FBXO10: variants seen among roughly 807,000 people sequenced by gnomAD.
The protein encoded by FBXO10 is F-box protein 10.
A neutral mutation model predicts 80.7 loss-of-function variants in FBXO10; 39 were observed. The ratio of observed to expected loss-of-function variants is 0.48; its 90% CI spans 0.37 to 0.63. The LOEUF (loss-of-function observed/expected upper bound fraction) is 0.63. Among genes scored for constraint, FBXO10 ranks in the 30% least tolerant of loss-of-function variants. The pLI, the probability that FBXO10 is intolerant of heterozygous loss-of-function variation, is 0.00. For missense variants in FBXO10, 1,025 were observed against 1,269.0 expected (o/e 0.81, Z 2.92); for synonymous variants, 449 against 489.6 (o/e 0.92, Z 1.09).
Position 37,576,199 on chromosome 9 carries a change from C to T in FBXO10, c.-7+12G>A, listed in dbSNP as rs1756009261. 6.6e-6 allele frequency: 1 copy of T among 152,198 alleles called. No individual in the cohort carries two copies. Among genetic ancestry groups the T allele is most frequent in the African/African-American group, 2.4e-5 (1 of 41,418 alleles). 9.4% of individuals were successfully genotyped at this position (152,198 alleles called of 1,614,324 possible). A position where few individuals can be genotyped will look rare whatever the true frequency, so the allele number is the denominator to read the frequency against. On this transcript the variant is annotated intron_variant, in intron 1 of 10. Coordinates refer to ENST00000432825, the MANE Select transcript of FBXO10 (RefSeq NM_012166.3). ...CAAGTTCGCCCGCAGCCTCTGCGCACCGGCCGCTTACCTCACAGGGCGCTC... is the reference window on the plus strand; with the variant it reads ...CAAGTTCGCCCGCAGCCTCTGCGCATCGGCCGCTTACCTCACAGGGCGCTC...
At chr9:37,532,816 G>T (rs1016292047) in intron 3 of FBXO10, among the ~76,000 whole-genome samples, 2 of 152,184 alleles carry the variant, frequency 1.3e-5, no homozygotes, top group Admixed American at 6.5e-5. Flanking sequence ...ATTTCCCCAG[G>T]GGTCGAGGGT....
chr9:37,516,280 A>G (rs891058802), intron 9 of FBXO10, among the ~76,000 whole-genome samples, 195 bp from the exon 10 acceptor site: 28 of 152,194 alleles, frequency 1.8e-4, no homozygotes, highest in African/African-American at 6.5e-4. Context: ...AAGAGGTGAT[A>G]GGTGAGTTGT....
chr9:37,515,879 C>T (rs767962360), intron 10 of FBXO10, 25 bp downstream of exon 10: 13 of 1,605,032 alleles, frequency 8.1e-6, no homozygotes, highest in Non-Finnish European at 9.4e-6. Context: ...CTAGAGGACT[C>T]GTTCAGGCAA....
intron 1 of FBXO10, among the ~76,000 whole-genome samples, chr9:37,549,840 G>T (rs1361129314): frequency 6.6e-6 from 1 of 152,146 alleles, no homozygotes; most frequent in South Asian, 2.1e-4. Context: ...AAGTGGCATT[G>T]TACCTTTTTA....
intron 1 of FBXO10, among the ~76,000 whole-genome samples, chr9:37,553,932 A>AAAG (rs1252028090): frequency 6.6e-6 from 1 of 151,196 alleles, no homozygotes; most frequent in African/African-American, 2.4e-5. Flanking sequence ...AAAAAAAAAA[A>AAAG]AAAAAAAGAA....
At chr9:37,548,494 A>T (rs1822113494) in intron 1 of FBXO10, among the ~76,000 whole-genome samples, 1 of 152,110 alleles carries the variant, frequency 6.6e-6, no homozygotes, top group African/African-American at 2.4e-5. Flanking sequence ...ATTTATTATC[A>T]TCTCTCCCCA....
intron 1 of FBXO10, among the ~76,000 whole-genome samples, chr9:37,560,201 G>T (rs937512635): frequency 8.5e-5 from 13 of 152,208 alleles, no homozygotes; most frequent in African/African-American, 3.1e-4. Context: ...TATTTAGGTG[G>T]AACAGTGAGG....
At chr9:37,546,924 G>A (rs1822071279) in intron 1 of FBXO10, among the ~76,000 whole-genome samples, 2 of 152,062 alleles carry the variant, frequency 1.3e-5, no homozygotes, top group African/African-American at 2.4e-5. Context: ...CAAGTGATCC[G>A]CCTGCCTTGG....
chr9:37,511,464 TG>T lies in FBXO10; in HGVS notation c.*1082del. ...TACCTACGGGGAGCACACAGGTGAG[TG>T]GGGGGTCAGGCAATGGACCCAGATA... On this transcript the variant is annotated 3_prime_UTR_variant, in exon 11 of 11. Coordinates refer to ENST00000432825, the MANE Select transcript of FBXO10 (RefSeq NM_012166.3). 6.6e-6 allele frequency: 1 copy of T among 152,644 alleles called. No homozygotes were observed. The highest frequency in any genetic ancestry group is 1.5e-5 in the Non-Finnish European group (1 of 68,430). 9.5% of individuals were successfully genotyped at this position (152,644 alleles called of 1,614,324 possible). A position where few individuals can be genotyped will look rare whatever the true frequency, so the allele number is the denominator to read the frequency against.
intron 1 of FBXO10, among the ~76,000 whole-genome samples, chr9:37,544,025 G>C (rs555939938): frequency 3.7e-4 from 57 of 152,322 alleles, no homozygotes; most frequent in African/African-American, 1.3e-3. Context: ...CCAGCACTTT[G>C]GGATGCCGAG....
intron 1 of FBXO10, among the ~76,000 whole-genome samples, chr9:37,572,962 C>T (rs1822795651): frequency 6.6e-6 from 1 of 152,174 alleles, no homozygotes; most frequent in Non-Finnish European, 1.5e-5. Flanking sequence ...TAACAGGGTA[C>T]ATGCCAAGTA....
At chr9:37,557,459 A>T (rs1464209831) in intron 1 of FBXO10, among the ~76,000 whole-genome samples, 2 of 152,154 alleles carry the variant, frequency 1.3e-5, no homozygotes, top group Non-Finnish European at 2.9e-5. Context: ...CTCTGCCAGG[A>T]CCTGAGTGGG....
At chr9:37,555,526 G>A (rs756630935) in intron 1 of FBXO10, among the ~76,000 whole-genome samples, 7 of 151,772 alleles carry the variant, frequency 4.6e-5, no homozygotes, top group African/African-American at 7.3e-5. Context: ...GATTACAGGC[G>A]CTCGCCACCA....
chr9:37,557,359 G>A (rs1043986481), intron 1 of FBXO10, among the ~76,000 whole-genome samples: 6 of 152,028 alleles, frequency 3.9e-5, no homozygotes, highest in East Asian at 1.9e-4. Context: ...TTACCCCTTC[G>A]GAGGCCTTGG....
At chr9:37,541,142 G>A in intron 2 of FBXO10, 42 bp downstream of exon 2, 3 of 1,505,838 alleles carry the variant, frequency 2.0e-6, no homozygotes, top group African/African-American at 1.4e-5. Flanking sequence ...CAAGCCTCTG[G>A]GGTCAGAACT....
intron 1 of FBXO10, among the ~76,000 whole-genome samples, chr9:37,569,059 AAAAGACAGAG>A (rs1822680784): frequency 1.3e-5 from 2 of 152,162 alleles, no homozygotes; most frequent in Admixed American, 6.5e-5. Flanking sequence ...TGTTCTAATT[AAAAGACAGAG>A]AAAGTCAGGG....
At chr9:37,542,297 A>G (rs927948284) in intron 1 of FBXO10, among the ~76,000 whole-genome samples, 2 of 152,120 alleles carry the variant, frequency 1.3e-5, no homozygotes, top group African/African-American at 4.8e-5. Flanking sequence ...GTCAGATGTT[A>G]TAAAGATATG....
At chr9:37,554,152 A>G (rs1282418325) in intron 1 of FBXO10, among the ~76,000 whole-genome samples, 1 of 152,154 alleles carries the variant, frequency 6.6e-6, no homozygotes, top group Non-Finnish European at 1.5e-5. Flanking sequence ...ATGACCAGTA[A>G]AGACGGTGAA....
chr9:37,522,579 T>C, intron 7 of FBXO10: 1 of 1,288,990 alleles, frequency 7.8e-7, no homozygotes, highest in Non-Finnish European at 9.9e-7. Context: ...AACTCCTGTC[T>C]TTTGCTATTT....
Sources: allele counts gnomAD v4.1 joint callset (sites outside exome capture counted in the v4.1 genomes callset), GRCh38; gene constraint gnomAD v4.1.1; transcripts MANE v1.5; gene names NCBI Gene and HGNC (gene_info 2026-07-23, HGNC 2026-07-21).